The following MTPN variants were observed in gnomAD, a reference collection of about 807,000 sequenced individuals.
The protein encoded by MTPN is granule cell differentiation protein.
Under a neutral mutation model 13.5 loss-of-function variants are expected in MTPN, and 2 were observed. The observed-to-expected ratio is 0.15, with a 90% CI of 0.06 to 0.47. The LOEUF is 0.47. MTPN is among the 20% of genes least tolerant of loss of function. The pLI is 0.97. For missense variants in MTPN, 79 were observed against 137.9 expected, an observed-to-expected ratio of 0.57 and a Z score of 2.14; for synonymous variants, 46 against 51.7, an observed-to-expected ratio of 0.89 and a Z score of 0.48.
chr7:135,941,615 TTA>T (rs1391371619), intron 3 of MTPN, among the ~76,000 whole-genome samples: 1 of 152,164 alleles, frequency 6.6e-6, no homozygotes. Flanking sequence ...ATGAGACATT[TTA>T]TGTTTCGTTT....
At chr7:135,934,727 T>C (rs1799086289) in intron 3 of MTPN, among the ~76,000 whole-genome samples, 1 of 152,210 alleles carries the variant, frequency 6.6e-6, no homozygotes. Flanking sequence ...TGAACAGTGA[T>C]ATTCCTAACT....
At chr7:135,950,825 T>C (rs1562932439) in intron 2 of MTPN, 143 bp from the exon 3 acceptor site, 4 of 683,546 alleles carry the variant, frequency 5.9e-6, no homozygotes, top group South Asian at 1.9e-5. Context: ...GTCAAGTGTC[T>C]AGTCTCTTAA....
At chr7:135,957,888 A>G (rs188217132) in intron 1 of MTPN, among the ~76,000 whole-genome samples, 61 of 152,164 alleles carry the variant, frequency 4.0e-4, no homozygotes, top group Non-Finnish European at 7.6e-4. Context: ...TTCTGCCATG[A>G]GTGGAGGCAC....
chr7:135,952,746 G>C (rs1311944537), intron 1 of MTPN, among the ~76,000 whole-genome samples: 2 of 152,100 alleles, frequency 1.3e-5, no homozygotes, highest in African/African-American at 4.8e-5. Flanking sequence ...TACATCACTT[G>C]AGCCTAGGAG....
intron 1 of MTPN, among the ~76,000 whole-genome samples, chr7:135,975,604 A>G (rs1284696573): frequency 2.0e-5 from 3 of 152,242 alleles, no homozygotes; most frequent in African/African-American, 4.8e-5. Context: ...TATTTCAAGT[A>G]TATCAAACAA....
intron 3 of MTPN, among the ~76,000 whole-genome samples, chr7:135,942,123 A>G (rs962849810): frequency 6.6e-6 from 1 of 151,980 alleles, no homozygotes; most frequent in East Asian, 1.9e-4. Context: ...TCCTGACCTC[A>G]GGTGATCCGC....
intron 3 of MTPN, among the ~76,000 whole-genome samples, chr7:135,946,131 G>A (rs532774694): frequency 4.6e-5 from 7 of 152,138 alleles, no homozygotes; most frequent in Non-Finnish European, 7.4e-5. Context: ...CTGAACTTAG[G>A]AAAGTCCATC....
chr7:135,942,944 T>A (rs1480260619), intron 3 of MTPN, among the ~76,000 whole-genome samples: 2 of 152,228 alleles, frequency 1.3e-5, no homozygotes, highest in Non-Finnish European at 2.9e-5. Context: ...CATACTTGTG[T>A]ATGAGATTTG....
At position 135,927,601 on chromosome 7, in the gene MTPN, T is replaced by C. The variant is rs576130149; in HGVS notation, c.*2325A>G. 14 of 681,608 alleles carry C rather than the reference T, an allele frequency of 2.1e-5. No individual in the cohort carries two copies. The African/African-American group carries it at 2.3e-4, about 11-fold the overall frequency. The allele number at this position is 681,608 out of a possible 1,614,324, so 42.2% of individuals were successfully genotyped here. ...TTACTCAAAATATGAACATTAAGTG[T>C]TGTGAATTTGTCTGCCAAGTGGTTC... On this transcript the variant is annotated 3_prime_UTR_variant, in exon 4 of 4. Transcript: ENST00000393085.
chr7:135,954,562 T>C (rs1799411950), intron 1 of MTPN, among the ~76,000 whole-genome samples: 1 of 152,100 alleles, frequency 6.6e-6, no homozygotes, highest in Non-Finnish European at 1.5e-5. Flanking sequence ...ACTGGACGAG[T>C]CTTTAGAGTG....
chr7:135,970,297 C>A (rs1299554079), intron 1 of MTPN, among the ~76,000 whole-genome samples: 1 of 152,082 alleles, frequency 6.6e-6, no homozygotes, highest in African/African-American at 2.4e-5. Context: ...TTACATGGAC[C>A]TGTTGAGAAT....
Position 135,937,473 on chromosome 7 carries a change from AG to A in MTPN, c.271-7462del, listed in dbSNP as rs561910134. Among the ~76,000 whole-genome samples the A allele has an allele frequency of 7.9e-5, 12 of 151,988 alleles. No individual in the cohort carries two copies. In the South Asian group the frequency reaches 2.5e-3, roughly 32 times the overall value. On this transcript the variant is annotated intron_variant, in intron 3 of 3. Transcript: ENST00000393085. ...ATATATAGTCATCCCTCTGTGTGTG[AG>A]GGGGATTGGTTCCTAACTCCCTCTT...
chr7:135,968,864 T>C (rs1321557731), intron 1 of MTPN, among the ~76,000 whole-genome samples: 1 of 151,696 alleles, frequency 6.6e-6, no homozygotes, highest in Non-Finnish European at 1.5e-5. Flanking sequence ...CTAAAGAGAA[T>C]GTGAGAGGGA....
chr7:135,933,793 C>G (rs1270734214), intron 3 of MTPN, among the ~76,000 whole-genome samples: 1 of 152,116 alleles, frequency 6.6e-6, no homozygotes, highest in African/African-American at 2.4e-5. Flanking sequence ...AATCTCAAGT[C>G]AAACTATAAT....
At chr7:135,967,768 A>G (rs190408290) in intron 1 of MTPN, among the ~76,000 whole-genome samples, 1 of 152,232 alleles carries the variant, frequency 6.6e-6, no homozygotes, top group Admixed American at 6.5e-5. Flanking sequence ...AATTGAAGAA[A>G]CTCAAGTTCT....
rs17168527 is a variant in MTPN at position 135,929,992 on chromosome 7, T to C, written c.291A>G (p.Lys97=). ...LLSKGADKTV[K]GPDGLTAFEA... The stretch of plus-strand genomic sequence containing the variant: ...CAAAGGCGGTCAGTCCATCTGGGCC[T>C]TTCACAGTCTTATCAGCACCCTGGA... The change falls in exon 4 of 4, where the codon AAA becomes AAG. Residue 97 remains lysine (K), a synonymous_variant. Coordinates refer to ENST00000393085, the MANE Select transcript of MTPN (RefSeq NM_145808.4). 135,157 of 1,613,238 alleles carry C rather than the reference T, an allele frequency of 0.084. 6,177 individuals are homozygous for C. Among genetic ancestry groups the C allele is most frequent in the African/African-American group, 0.11 (8,102 of 74,972 alleles).
At chr7:135,958,755 T>A (rs574139617) in intron 1 of MTPN, among the ~76,000 whole-genome samples, 121 of 152,320 alleles carry the variant, frequency 7.9e-4, no homozygotes, top group Middle Eastern at 6.8e-3. Flanking sequence ...ATCCTGAATT[T>A]GAGTCACTAA....
chr7:135,950,808 C>G, intron 2 of MTPN, 126 bp from the exon 3 acceptor site: 1 of 739,528 alleles, frequency 1.4e-6, no homozygotes, highest in Middle Eastern at 3.9e-4. Flanking sequence ...ATCAATCAAT[C>G]CACAGAGTCA....
chr7:135,964,240 G>T (rs1243600598), intron 1 of MTPN, among the ~76,000 whole-genome samples: 1 of 151,976 alleles, frequency 6.6e-6, no homozygotes, highest in Non-Finnish European at 1.5e-5. Flanking sequence ...CATATTTCAT[G>T]TATTAAATAA....
Sources: gnomAD v4.1 joint callset for allele counts (sites outside exome capture counted in the v4.1 genomes callset) on GRCh38, gnomAD v4.1.1 for gene constraint, MANE v1.5 for transcripts, NCBI Gene and HGNC (gene_info 2026-07-23, HGNC 2026-07-21) for gene names.